The following VTI1A variants were observed in gnomAD, a reference collection of about 807,000 sequenced individuals.
VTI1A encodes vesicle transport through interaction with t-SNAREs 1A, also known as vesicle transport through interaction with t-SNAREs homolog 1A.
A neutral mutation model predicts 34.9 loss-of-function variants in VTI1A; 22 were observed. The ratio of observed to expected loss-of-function variants is 0.63; its 90% CI spans 0.45 to 0.90. VTI1A has a LOEUF of 0.90. Among genes scored for constraint, VTI1A ranks in the 40% least tolerant of loss-of-function variants. The pLI is 0.00. For missense variants in VTI1A, 268 were observed against 275.6 expected (o/e 0.97, Z 0.20); for synonymous variants, 87 against 97.3 (o/e 0.89, Z 0.62).
At chr10:112,680,074 C>T (rs749146635) in intron 7 of VTI1A, among the ~76,000 whole-genome samples, 1 of 152,142 alleles carries the variant, frequency 6.6e-6, no homozygotes, top group East Asian at 1.9e-4. Context: ...TGTCCAGTTT[C>T]GTAGCTAAAT....
At chr10:112,504,961 C>T (rs1249346803) in intron 3 of VTI1A, among the ~76,000 whole-genome samples, 2 of 151,082 alleles carry the variant, frequency 1.3e-5, no homozygotes, top group African/African-American at 2.4e-5. Context: ...TGTGGGGATT[C>T]GTTGTTGATT....
the VTI1A span, among the ~76,000 whole-genome samples, chr10:112,855,104 G>A: frequency 1.3e-5 from 2 of 152,128 alleles, no homozygotes; most frequent in Non-Finnish European, 2.9e-5. Flanking sequence ...GGGATGGGAA[G>A]CTCGACCTGG....
At chr10:112,833,302 C>T in the VTI1A span, among the ~76,000 whole-genome samples, 1 of 151,722 alleles carries the variant, frequency 6.6e-6, no homozygotes, top group Non-Finnish European at 1.5e-5. Flanking sequence ...ACCTGCATAC[C>T]TCTTCCCCTA....
chr10:112,834,781 G>A, the VTI1A span, among the ~76,000 whole-genome samples: 1 of 152,214 alleles, frequency 6.6e-6, no homozygotes, highest in Non-Finnish European at 1.5e-5. Flanking sequence ...TGAGTGCCAG[G>A]AGACCAGCTC....
intron 5 of VTI1A, among the ~76,000 whole-genome samples, chr10:112,546,007 TGTGTGTGTATATACGTGTATACGC>T (rs1851082636): frequency 1.5e-5 from 2 of 136,884 alleles, no homozygotes; most frequent in South Asian, 2.2e-4. Flanking sequence ...TATACGCGTA[TGTGTGTGTATATACGTGTATACGC>T]GTATGTGTGT....
chr10:112,728,197 C>G (rs906695683), intron 7 of VTI1A, among the ~76,000 whole-genome samples: 38 of 152,080 alleles, frequency 2.5e-4, no homozygotes, highest in Non-Finnish European at 5.0e-4. Flanking sequence ...CCCCCACCCC[C>G]CTCAAAATGA....
At chr10:112,811,601 G>C (rs1853304738) in intron 7 of VTI1A, among the ~76,000 whole-genome samples, 1 of 150,836 alleles carries the variant, frequency 6.6e-6, no homozygotes, top group South Asian at 2.1e-4. Context: ...GGAGAATGGC[G>C]TGAGCCCGGG....
At chr10:112,842,435 A>G in the VTI1A span, among the ~76,000 whole-genome samples, 1 of 152,180 alleles carries the variant, frequency 6.6e-6, no homozygotes. Flanking sequence ...TGCCTTGCTT[A>G]CAAGATCACA....
At chr10:112,790,741 C>T (rs908275017) in intron 7 of VTI1A, among the ~76,000 whole-genome samples, 2 of 150,218 alleles carry the variant, frequency 1.3e-5, no homozygotes, top group African/African-American at 2.4e-5. Flanking sequence ...TGCCTTTGGT[C>T]GTCATCCAGA....
intron 7 of VTI1A, among the ~76,000 whole-genome samples, chr10:112,770,072 TCAAACCGAGCAGGC>T (rs1164809783): frequency 2.0e-5 from 3 of 151,984 alleles, no homozygotes; most frequent in Non-Finnish European, 4.4e-5. Flanking sequence ...TTTTTTAATT[TCAAACCGAGCAGGC>T]CAAACCAACA....
chr10:112,761,673 A>T (rs1188247660), intron 7 of VTI1A, among the ~76,000 whole-genome samples: 2 of 152,176 alleles, frequency 1.3e-5, no homozygotes, highest in African/African-American at 4.8e-5. Context: ...GTTCGATTTT[A>T]CACAACTGAG....
intron 7 of VTI1A, among the ~76,000 whole-genome samples, 158 bp from the exon 8 acceptor site, chr10:112,815,132 C>T (rs1443398769): frequency 9.3e-6 from 1 of 107,678 alleles, no homozygotes; most frequent in Admixed American, 9.6e-5. Context: ...ATGTCTCTTT[C>T]GCGCGCGCAC....
intron 3 of VTI1A, among the ~76,000 whole-genome samples, chr10:112,522,135 C>T (rs899134741): frequency 2.0e-5 from 3 of 151,972 alleles, no homozygotes; most frequent in Admixed American, 1.3e-4. Flanking sequence ...GTAGATATCC[C>T]AAAGTGTTAA....
At chr10:112,464,486 A>G (rs1271441537) in intron 2 of VTI1A, 61 bp from the exon 3 acceptor site, 12 of 1,444,410 alleles carry the variant, frequency 8.3e-6, no homozygotes, top group Non-Finnish European at 1.1e-5. Flanking sequence ...TCAGCCGTAA[A>G]CATTTGTTCA....
chr10:112,495,348 G>T (rs926917200), intron 3 of VTI1A, among the ~76,000 whole-genome samples: 1 of 151,832 alleles, frequency 6.6e-6, no homozygotes, highest in African/African-American at 2.4e-5. Flanking sequence ...CTTTTTCCTC[G>T]TTTGCTTTCT....
intron 5 of VTI1A, among the ~76,000 whole-genome samples, chr10:112,625,354 C>G (rs768316377): frequency 1.8e-4 from 27 of 152,158 alleles, no homozygotes; most frequent in Non-Finnish European, 3.2e-4. Flanking sequence ...AATGGAAAAC[C>G]AGGCCGGGCG....
At position 112,817,057 on chromosome 10, in the gene VTI1A, C is replaced by G. The variant is rs1443174797; in HGVS notation, c.*1674C>G. On this transcript the variant is annotated 3_prime_UTR_variant, in exon 8 of 8. Transcript: ENST00000393077. ...TAATTTTCCTGTCAGCTTAAGGGAT[C>G]CGTCTCAGCAAGAATCTTGTATTCT... The G allele has an allele frequency of 8.6e-6, 2 of 232,402 alleles. No homozygotes were observed. Among genetic ancestry groups the G allele is most frequent in the African/African-American group, 2.2e-5 (1 of 45,302 alleles). The allele number at this position is 232,402 out of a possible 1,614,324, so 14.4% of individuals were successfully genotyped here. A position where few individuals can be genotyped will look rare whatever the true frequency, so the allele number is the denominator to read the frequency against.
At chr10:112,839,036 G>A in the VTI1A span, among the ~76,000 whole-genome samples, 1 of 152,184 alleles carries the variant, frequency 6.6e-6, no homozygotes, top group Non-Finnish European at 1.5e-5. Flanking sequence ...GCCCAAGGAG[G>A]GGGCCATGGG....
At chr10:112,456,165 A>G (rs1287289773) in intron 1 of VTI1A, among the ~76,000 whole-genome samples, 1 of 152,186 alleles carries the variant, frequency 6.6e-6, no homozygotes, top group African/African-American at 2.4e-5. Context: ...TCACACCTGT[A>G]ATCCCAGCAC....
Sources: gnomAD v4.1 joint callset for allele counts (sites outside exome capture counted in the v4.1 genomes callset) on GRCh38, gnomAD v4.1.1 for gene constraint, MANE v1.5 for transcripts, NCBI Gene and HGNC (gene_info 2026-07-23, HGNC 2026-07-21) for gene names.